RAI14: variants seen among roughly 807,000 people sequenced by gnomAD.
The protein encoded by RAI14 is ankycorbin.
Under a neutral mutation model 115.4 loss-of-function variants are expected in RAI14, and 45 were observed. The observed-to-expected ratio is 0.39, with a 90% CI of 0.31 to 0.50. The LOEUF (loss-of-function observed/expected upper bound fraction) is 0.50. RAI14 is among the 20% of genes least tolerant of loss of function. RAI14 has a pLI of 0.85. For synonymous variants in RAI14, 371 were observed against 415.4 expected (o/e 0.89, Z 1.30); for missense variants, 939 against 1,131.2 (o/e 0.83, Z 2.44).
At chr5:34,799,522 ACACACACACACACACAC>A (rs1458965919) in intron 4 of RAI14, among the ~76,000 whole-genome samples, 25 of 112,782 alleles carry the variant, frequency 2.2e-4, no homozygotes, top group Admixed American at 6.3e-4. Context: ...ACACACACAC[ACACACACACACACACAC>A]AAAACCACCT....
rs572760702 is a variant in RAI14, at chr5:34,678,132, C to G, written c.-48-8740C>G. 2.0e-5 allele frequency among the ~76,000 whole-genome samples: 3 copies of G among 150,752 alleles called. No individual in the cohort carries two copies. The East Asian group carries it at 5.8e-4, about 29-fold the overall frequency. On this transcript the variant is annotated intron_variant, in intron 1 of 17. Transcript: ENST00000265109. Reference sequence around the variant, plus strand: ...TTTTTTTTTGAGACACAGTCTCACTCTGTCACCCTGCCTGGAGTGCAGTGG... The same window carrying G: ...TTTTTTTTTGAGACACAGTCTCACTGTGTCACCCTGCCTGGAGTGCAGTGG...
At chr5:34,737,592 A>AG (rs1460691572) in intron 2 of RAI14, among the ~76,000 whole-genome samples, 1 of 151,288 alleles carries the variant, frequency 6.6e-6, no homozygotes, top group Non-Finnish European at 1.5e-5. Flanking sequence ...ATCTCTACAA[A>AG]AAAAAAAAAT....
rs1187840147 is a variant in RAI14 at position 34,823,038 on chromosome 5, G to A, written c.1196G>A (p.Gly399Glu). ...CAAACTGACTTGGGCCCATCCCTGG[G>A]AAAACCTGGTGAAACCTCTCCCCCA... ...STQTDLGPSL[G>E]KPGETSPPDS... is the part of the protein sequence containing the mutation. The change falls in exon 15 of 18, where the codon GGA (glycine) becomes GAA (glutamate). Residue 399 changes from glycine (G) to glutamate (E), a missense_variant. By Grantham distance (98) the Gly-to-Glu change is moderately conservative. Coordinates refer to ENST00000265109, the MANE Select transcript of RAI14 (RefSeq NM_015577.3). The surrounding 1 kb of genome is among the most constrained non-coding windows in gnomAD (Gnocchi z 4.5). The A allele has an allele frequency of 1.9e-6, 3 of 1,613,868 alleles. No individual in the cohort carries two copies. The highest frequency in any genetic ancestry group is 8.5e-7 in the Non-Finnish European group (1 of 1,179,880).
At position 34,742,415 on chromosome 5, in the gene RAI14, C is replaced by T. The variant is rs144423751; in HGVS notation, c.37-15053C>T. 4.7e-3 allele frequency among the ~76,000 whole-genome samples: 721 copies of T among 152,260 alleles called. 3 individuals are homozygous for T. Among genetic ancestry groups the T allele is most frequent in the African/African-American group, 0.016 (681 of 41,552 alleles). On this transcript the variant is annotated intron_variant, in intron 2 of 17. Coordinates refer to ENST00000265109, the MANE Select transcript of RAI14 (RefSeq NM_015577.3). ...GAGTAATTTTGGCCGACAGTAGAAT[C>T]GTAGGGAATACCTAAAAGCATTCAT...
chr5:34,808,936 C>A (rs1755251399), intron 7 of RAI14, among the ~76,000 whole-genome samples: 1 of 152,194 alleles, frequency 6.6e-6, no homozygotes, highest in Admixed American at 6.5e-5. Context: ...AGTACTGCTG[C>A]TGATCTTATA....
intron 2 of RAI14, among the ~76,000 whole-genome samples, chr5:34,748,778 C>T (rs1410491906): frequency 6.6e-6 from 1 of 150,414 alleles, no homozygotes; most frequent in African/African-American, 2.5e-5. Flanking sequence ...CCTGGGCAAC[C>T]TAGGGAGACT....
chr5:34,739,022 T>C (rs189543694), intron 2 of RAI14, among the ~76,000 whole-genome samples: 1 of 152,340 alleles, frequency 6.6e-6, no homozygotes, highest in East Asian at 1.9e-4. Flanking sequence ...GTAGACAGTC[T>C]GTAAATCTGG....
chr5:34,750,604 G>A (rs1300737491), intron 2 of RAI14, among the ~76,000 whole-genome samples: 1 of 152,142 alleles, frequency 6.6e-6, no homozygotes, highest in African/African-American at 2.4e-5. Context: ...TATGCCTCAA[G>A]GGGGATGGTG....
chr5:34,692,010 C>T (rs908338277), intron 2 of RAI14, among the ~76,000 whole-genome samples: 2 of 152,192 alleles, frequency 1.3e-5, no homozygotes, highest in Non-Finnish European at 2.9e-5. Flanking sequence ...CACCTGTAAT[C>T]CTAGCACTTT....
rs116904765 is a variant in RAI14, at chr5:34,762,251, C to T, written c.167+4653C>T. On this transcript the variant is annotated intron_variant, in intron 3 of 17. Coordinates refer to ENST00000265109, the MANE Select transcript of RAI14 (RefSeq NM_015577.3). Reference sequence around the variant, plus strand: ...AGAATTCTTCTGGTGAACATCACAACCTGACTTGGCCCCCAAGCTTCCACG... The same window carrying T: ...AGAATTCTTCTGGTGAACATCACAATCTGACTTGGCCCCCAAGCTTCCACG... Among the ~76,000 whole-genome samples the T allele has an allele frequency of 2.0e-4, 31 of 152,258 alleles. No individual in the cohort carries two copies. In the East Asian group the frequency reaches 6.0e-3, roughly 29 times the overall value.
intron 2 of RAI14, among the ~76,000 whole-genome samples, chr5:34,710,324 C>T (rs1275055374): frequency 6.6e-6 from 1 of 152,158 alleles, no homozygotes; most frequent in Non-Finnish European, 1.5e-5. Flanking sequence ...AGTCCTCTGT[C>T]CTTACATGGT....
At chr5:34,695,236 G>A (rs1739079777) in intron 2 of RAI14, among the ~76,000 whole-genome samples, 3 of 152,294 alleles carry the variant, frequency 2.0e-5, no homozygotes, top group African/African-American at 7.2e-5. Flanking sequence ...TAACTGAGAA[G>A]CTGCAGGGTC....
intron 2 of RAI14, among the ~76,000 whole-genome samples, chr5:34,720,810 G>A (rs945861098): frequency 1.3e-5 from 2 of 151,978 alleles, no homozygotes; most frequent in African/African-American, 4.8e-5. Context: ...AAAAGTTTTT[G>A]GAAATCTGCA....
chr5:34,783,359 G>A (rs1001989372), intron 3 of RAI14, among the ~76,000 whole-genome samples: 1 of 152,132 alleles, frequency 6.6e-6, no homozygotes, highest in South Asian at 2.1e-4. Context: ...GGGGGTCCTC[G>A]GGATCCTCCT....
At chr5:34,781,229 G>A in intron 3 of RAI14, among the ~76,000 whole-genome samples, 1 of 130,836 alleles carries the variant, frequency 7.6e-6, no homozygotes, top group Admixed American at 8.1e-5. Flanking sequence ...TCGTGGGGTG[G>A]GGGGAGGGGG....
intron 2 of RAI14, among the ~76,000 whole-genome samples, chr5:34,718,831 A>AC (rs1051593281): frequency 2.0e-5 from 3 of 152,222 alleles, no homozygotes; most frequent in African/African-American, 7.2e-5. Flanking sequence ...GTTTTGTTGT[A>AC]CCATGAATAG....
intron 3 of RAI14, among the ~76,000 whole-genome samples, chr5:34,786,478 C>G (rs1224697954): frequency 6.6e-6 from 1 of 152,192 alleles, no homozygotes; most frequent in Middle Eastern, 3.2e-3. Flanking sequence ...TTAGCTTTAG[C>G]TGGCAAACAA....
At chr5:34,736,603 G>C (rs1424977759) in intron 2 of RAI14, among the ~76,000 whole-genome samples, 4 of 152,056 alleles carry the variant, frequency 2.6e-5, no homozygotes, top group African/African-American at 9.7e-5. Flanking sequence ...AGGTCTCACT[G>C]TGTTGCCCAG....
At chr5:34,768,496 G>A (rs919515617) in intron 3 of RAI14, among the ~76,000 whole-genome samples, 6 of 152,082 alleles carry the variant, frequency 3.9e-5, no homozygotes, top group Admixed American at 6.5e-5. Context: ...GTAAATTTAC[G>A]AAGAGGGAAG....
Sources: gnomAD v4.1 joint callset for allele counts (sites outside exome capture counted in the v4.1 genomes callset) on GRCh38, gnomAD v4.1.1 for gene constraint, Gnocchi (gnomAD v3.1) non-coding constraint, MANE v1.5 for transcripts, NCBI Gene and HGNC (gene_info 2026-07-23, HGNC 2026-07-21) for gene names.